PLEKHM3: variants seen among roughly 807,000 people sequenced by gnomAD.
PLEKHM3 encodes the protein pleckstrin homology domain containing M3.
In PLEKHM3, 45 loss-of-function variants were observed where a neutral mutation model predicts 81.8. The observed-to-expected ratio is 0.55, with a 90% CI of 0.43 to 0.71. The LOEUF is 0.71. Among genes scored for constraint, PLEKHM3 ranks in the 30% least tolerant of loss-of-function variants. The pLI, the probability that PLEKHM3 is intolerant of heterozygous loss-of-function variation, is 0.00. For synonymous variants in PLEKHM3, 352 were observed against 356.4 expected, an observed-to-expected ratio of 0.99 and a Z score of 0.14; for missense variants, 788 against 924.3, an observed-to-expected ratio of 0.85 and a Z score of 1.91.
intron 1 of PLEKHM3, among the ~76,000 whole-genome samples, chr2:208,024,589 CA>C (rs1342642486): frequency 6.6e-6 from 1 of 151,974 alleles, no homozygotes; most frequent in African/African-American, 2.4e-5. Context: ...TTAAGTATGC[CA>C]ATTATAATTT....
At chr2:207,923,906 T>TATATATATATATATATATATATA (rs1491270678) in intron 5 of PLEKHM3, among the ~76,000 whole-genome samples, 1 of 59,730 alleles carries the variant, frequency 1.7e-5, no homozygotes, top group Non-Finnish European at 3.1e-5. Context: ...TATATATATA[T>TATATATATATATATATATATATA]TTTTTTTTTT....
In PLEKHM3 at chr2:208,001,337, T is replaced by C; in HGVS notation, c.303A>G (p.Thr101=). The change falls in exon 2 of 8, where the codon ACA becomes ACG. Residue 101 remains threonine (T), a synonymous_variant. Transcript: ENST00000427836. The part of the protein sequence containing the change: ...AKEQFMVQRG[T]TPDNLSWMEQ... ...CCATCCAGGAAAGATTATCTGGGGT[T>C]GTCCCTCTCTGGACCATAAACTGTT... is the stretch of plus-strand genomic sequence containing the variant. 6.2e-7 allele frequency: 1 copy of C among 1,614,234 alleles called. No homozygotes were observed. Among genetic ancestry groups the C allele is most frequent in the Non-Finnish European group, 8.5e-7 (1 of 1,180,042 alleles).
At chr2:207,983,298 G>T (rs1038261297) in intron 2 of PLEKHM3, among the ~76,000 whole-genome samples, 1 of 151,944 alleles carries the variant, frequency 6.6e-6, no homozygotes, top group African/African-American at 2.4e-5. Flanking sequence ...TGATCCGCCC[G>T]CCTCGGCCTC....
At chr2:207,882,576 C>T (rs1396045129) in intron 6 of PLEKHM3, among the ~76,000 whole-genome samples, 1 of 135,570 alleles carries the variant, frequency 7.4e-6, no homozygotes, top group East Asian at 2.3e-4. Flanking sequence ...CGCGTCATTG[C>T]ACTCCAGCCT....
rs146276191 is a variant in PLEKHM3 at position 207,845,469 on chromosome 2, C to G, written c.2108+15636G>C. ...GGAAGAAAAAGCACATGCTAAAAACCGACCTAAAAGATGTTTTGAAAATGA... is the reference window on the plus strand; with the variant it reads ...GGAAGAAAAAGCACATGCTAAAAACGGACCTAAAAGATGTTTTGAAAATGA... On this transcript the variant is annotated intron_variant, in intron 7 of 7. Transcript: ENST00000427836. 3.5e-3 allele frequency among the ~76,000 whole-genome samples: 528 copies of G among 152,274 alleles called. 4 individuals are homozygous for G. Among genetic ancestry groups the G allele is most frequent in the African/African-American group, 0.012 (503 of 41,556 alleles).
At chr2:207,933,315 A>G (rs1006777042) in intron 4 of PLEKHM3, among the ~76,000 whole-genome samples, 4 of 152,218 alleles carry the variant, frequency 2.6e-5, no homozygotes, top group Non-Finnish European at 5.9e-5. Flanking sequence ...CCCTGTCTTT[A>G]GGTATAATAG....
At chr2:207,888,164 T>G (rs1161165903) in intron 6 of PLEKHM3, among the ~76,000 whole-genome samples, 1 of 152,188 alleles carries the variant, frequency 6.6e-6, no homozygotes, top group African/African-American at 2.4e-5. Context: ...TCCTTTTTGA[T>G]GTCACAATCC....
chr2:207,846,882 T>C (rs923528334), intron 7 of PLEKHM3, among the ~76,000 whole-genome samples: 1 of 152,224 alleles, frequency 6.6e-6, no homozygotes, highest in African/African-American at 2.4e-5. Context: ...TACATATGTG[T>C]AGAAAAATGG....
At chr2:207,940,109 AT>A (rs1215967468) in intron 4 of PLEKHM3, among the ~76,000 whole-genome samples, 3 of 152,164 alleles carry the variant, frequency 2.0e-5, no homozygotes, top group African/African-American at 2.4e-5. Flanking sequence ...TTTAATATAC[AT>A]TCCTGCTTGT....
chr2:207,841,281 A>G (rs2092350014), intron 7 of PLEKHM3, among the ~76,000 whole-genome samples: 2 of 150,034 alleles, frequency 1.3e-5, no homozygotes, highest in South Asian at 2.1e-4. Context: ...CCTGACCAAC[A>G]TGGTGAAACC....
intron 6 of PLEKHM3, among the ~76,000 whole-genome samples, chr2:207,898,899 A>T (rs1025520155): frequency 1.6e-4 from 25 of 152,174 alleles, no homozygotes; most frequent in Non-Finnish European, 3.2e-4. Flanking sequence ...CTGTCTCAAA[A>T]AAATAAATAA....
At chr2:207,869,005 G>A (rs1218568393) in intron 6 of PLEKHM3, 2 of 152,150 alleles carry the variant, frequency 1.3e-5, no homozygotes, top group Admixed American at 6.5e-5. Flanking sequence ...AAAATGCTAG[G>A]GGGAAGACAT....
At chr2:207,982,739 C>T (rs111245186) in intron 2 of PLEKHM3, among the ~76,000 whole-genome samples, 2,047 of 151,852 alleles carry the variant, frequency 0.013, 19 homozygotes, top group South Asian at 0.028. Flanking sequence ...CCACCATGCC[C>T]GGCTTATTTT....
At chr2:207,830,389 G>A (rs898847245) in intron 7 of PLEKHM3, among the ~76,000 whole-genome samples, 12 of 151,958 alleles carry the variant, frequency 7.9e-5, no homozygotes, top group African/African-American at 2.2e-4. Context: ...CGAGGTGAGC[G>A]GATCACCCGA....
chr2:207,902,061 A>G (rs1688448281), intron 6 of PLEKHM3, among the ~76,000 whole-genome samples: 1 of 152,184 alleles, frequency 6.6e-6, no homozygotes, highest in South Asian at 2.1e-4. Context: ...GCTGCTGAGA[A>G]GCTATGAATA....
At chr2:207,926,672 T>G (rs1011065449) in intron 5 of PLEKHM3, among the ~76,000 whole-genome samples, 1 of 152,228 alleles carries the variant, frequency 6.6e-6, no homozygotes, top group African/African-American at 2.4e-5. Flanking sequence ...CAGTGAATTG[T>G]CAGCACTGTA....
chr2:207,871,379 T>A (rs950149812), intron 6 of PLEKHM3, among the ~76,000 whole-genome samples: 2 of 152,174 alleles, frequency 1.3e-5, no homozygotes, highest in Non-Finnish European at 2.9e-5. Context: ...TTAGCTCTTA[T>A]CTGATCCTCT....
intron 7 of PLEKHM3, among the ~76,000 whole-genome samples, chr2:207,853,623 A>T: frequency 6.6e-6 from 1 of 150,394 alleles, no homozygotes; most frequent in East Asian, 2.0e-4. Context: ...AATCCCAGCT[A>T]CTCAGGAGGC....
rs2092252332 is a variant in PLEKHM3 at position 207,826,520 on chromosome 2, G to A, written c.*1799C>T. 1 of 152,244 alleles carries A rather than the reference G, an allele frequency of 6.6e-6. No homozygotes were observed. Among genetic ancestry groups the A allele is most frequent in the African/African-American group, 2.4e-5 (1 of 41,452 alleles). 9.4% of individuals were successfully genotyped at this position (152,244 alleles called of 1,614,324 possible). On this transcript the variant is annotated 3_prime_UTR_variant, in exon 8 of 8. Transcript: ENST00000427836. ...CTTGGTTGCGGCTACTGTATAGTCA[G>A]AAAATAAATGCATGTATGGTGTTGA...
Sources: allele counts gnomAD v4.1 joint callset (sites outside exome capture counted in the v4.1 genomes callset), GRCh38; gene constraint gnomAD v4.1.1; transcripts MANE v1.5; gene names NCBI Gene and HGNC (gene_info 2026-07-23, HGNC 2026-07-21).